KHDRBS2: variants seen among roughly 807,000 people sequenced by gnomAD.
The protein encoded by KHDRBS2 is KH RNA binding domain containing, signal transduction associated 2.
In KHDRBS2, 26 loss-of-function variants were observed where a neutral mutation model predicts 44.3. The ratio of observed to expected loss-of-function variants is 0.59; its 90% CI spans 0.43 to 0.81. The LOEUF (loss-of-function observed/expected upper bound fraction) is 0.81. Among genes scored for constraint, KHDRBS2 ranks in the 40% least tolerant of loss-of-function variants. The pLI is 0.00. For synonymous variants in KHDRBS2, 194 were observed against 151.1 expected (o/e 1.28, Z -2.08); for missense variants, 476 against 433.1 (o/e 1.10, Z -0.88).
At chr6:61,685,020 G>A (rs1319627240) in intron 8 of KHDRBS2, among the ~76,000 whole-genome samples, 1 of 151,666 alleles carries the variant, frequency 6.6e-6, no homozygotes, top group Non-Finnish European at 1.5e-5. Flanking sequence ...AGTTTAAGGG[G>A]CCCATAAAAG....
chr6:62,177,424 G>C (rs1454644119), intron 1 of KHDRBS2, 112 bp from the exon 2 acceptor site: 6 of 812,932 alleles, frequency 7.4e-6, no homozygotes, highest in African/African-American at 5.3e-5. Flanking sequence ...TCTCAAATAA[G>C]ATTTTGATGA....
the KHDRBS2 span, among the ~76,000 whole-genome samples, chr6:61,598,412 A>G: frequency 6.6e-6 from 1 of 152,190 alleles, no homozygotes; most frequent in Non-Finnish European, 1.5e-5. Flanking sequence ...TATTAGCCAA[A>G]TGAGGTACAT....
chr6:61,627,192 G>GCAGTGAGC, the KHDRBS2 span, among the ~76,000 whole-genome samples: 1 of 143,864 alleles, frequency 7.0e-6, no homozygotes, highest in Non-Finnish European at 1.5e-5. Context: ...GGCGGAGCTT[G>GCAGTGAGC]CAGTGAGCCG....
chr6:62,120,446 G>A (rs1011099097), intron 2 of KHDRBS2, among the ~76,000 whole-genome samples: 1 of 152,170 alleles, frequency 6.6e-6, no homozygotes, highest in Non-Finnish European at 1.5e-5. Context: ...TGGAACCACA[G>A]TCACTCAATT....
chr6:61,573,870 T>C, the KHDRBS2 span, among the ~76,000 whole-genome samples: 1 of 121,922 alleles, frequency 8.2e-6, no homozygotes, highest in Non-Finnish European at 1.7e-5. Flanking sequence ...CCTGGAAGTA[T>C]CACATTACTC....
chr6:61,833,967 G>T (rs1311362881), intron 6 of KHDRBS2, among the ~76,000 whole-genome samples: 2 of 152,006 alleles, frequency 1.3e-5, no homozygotes, highest in Non-Finnish European at 2.9e-5. Flanking sequence ...TTAGACTGAA[G>T]GCTACATATG....
intron 6 of KHDRBS2, among the ~76,000 whole-genome samples, chr6:61,757,647 T>A (rs1778686482): frequency 6.6e-6 from 1 of 152,176 alleles, no homozygotes; most frequent in Non-Finnish European, 1.5e-5. Flanking sequence ...TTGTTTGTTC[T>A]TCCGTTTTTC....
intron 6 of KHDRBS2, among the ~76,000 whole-genome samples, chr6:61,793,975 G>T (rs1368118921): frequency 1.3e-5 from 2 of 152,112 alleles, no homozygotes; most frequent in South Asian, 4.2e-4. Context: ...TGACAATTTC[G>T]GTACTGTGTT....
intron 2 of KHDRBS2, among the ~76,000 whole-genome samples, chr6:62,070,674 A>AT (rs1036503013): frequency 8.6e-5 from 13 of 152,020 alleles, no homozygotes; most frequent in African/African-American, 2.4e-5. Flanking sequence ...TGAACTCATC[A>AT]TTTTTTATGG....
chr6:61,599,536 A>T, the KHDRBS2 span, among the ~76,000 whole-genome samples: 1 of 152,176 alleles, frequency 6.6e-6, no homozygotes, highest in Non-Finnish European at 1.5e-5. Context: ...GTTGCCACAG[A>T]TGGTTAAGGA....
intron 6 of KHDRBS2, among the ~76,000 whole-genome samples, chr6:61,735,706 G>A (rs927022777): frequency 3.9e-5 from 6 of 151,970 alleles, no homozygotes; most frequent in Non-Finnish European, 8.8e-5. Context: ...TAATATTTTT[G>A]AAAGAATGTT....
intron 8 of KHDRBS2, among the ~76,000 whole-genome samples, chr6:61,682,498 C>A (rs1337694033): frequency 6.6e-6 from 1 of 151,768 alleles, no homozygotes; most frequent in Non-Finnish European, 1.5e-5. Context: ...GCCTGTGAAC[C>A]AAATTTGGCC....
intron 5 of KHDRBS2, among the ~76,000 whole-genome samples, chr6:61,898,012 T>C (rs1057482553): frequency 6.6e-6 from 1 of 152,136 alleles, no homozygotes; most frequent in African/African-American, 2.4e-5. Flanking sequence ...TGTAATGCTT[T>C]GTTCTCTGGT....
chr6:61,830,619 G>A (rs1791637264), intron 6 of KHDRBS2, among the ~76,000 whole-genome samples: 1 of 152,132 alleles, frequency 6.6e-6, no homozygotes, highest in Non-Finnish European at 1.5e-5. Flanking sequence ...AACGAGGCTG[G>A]CAGTCCAACC....
At chr6:61,859,028 A>G (rs1796542031) in intron 6 of KHDRBS2, among the ~76,000 whole-genome samples, 1 of 151,908 alleles carries the variant, frequency 6.6e-6, no homozygotes, top group African/African-American at 2.4e-5. Context: ...AATTCGGTGA[A>G]AGCTCTTTTA....
the KHDRBS2 span, among the ~76,000 whole-genome samples, chr6:61,653,324 AGG>A: frequency 6.6e-6 from 1 of 152,108 alleles, no homozygotes; most frequent in Non-Finnish European, 1.5e-5. Context: ...TTCTGTGGAC[AGG>A]GTATAAACAC....
rs766799975 is a variant in KHDRBS2 at position 62,177,324 on chromosome 6, T to A, written c.92-12A>T. 6.3e-6 allele frequency: 10 copies of A among 1,577,412 alleles called. No individual in the cohort carries two copies. The South Asian group carries it at 1.0e-4, about 16-fold the overall frequency. On this transcript the variant is annotated splice_polypyrimidine_tract_variant and intron_variant, in intron 1 of 8. Transcript: ENST00000281156. ...AAACTTTTCAATTTCTGGAAGAAAA[T>A]CACAAGAAGAAAACAAGTGAAATGA...
chr6:61,960,331 AT>A (rs2035480775), intron 4 of KHDRBS2, among the ~76,000 whole-genome samples: 1 of 152,136 alleles, frequency 6.6e-6, no homozygotes, highest in South Asian at 2.1e-4. Flanking sequence ...TTTTAAAAAA[AT>A]CATGAGCCCT....
the KHDRBS2 span, among the ~76,000 whole-genome samples, chr6:61,643,977 A>T: frequency 6.6e-6 from 1 of 152,206 alleles, no homozygotes; most frequent in African/African-American, 2.4e-5. Flanking sequence ...ATGGAACCAA[A>T]ATAGAGCCCA....
Sources: gnomAD v4.1 joint callset for allele counts (sites outside exome capture counted in the v4.1 genomes callset) on GRCh38, gnomAD v4.1.1 for gene constraint, MANE v1.5 for transcripts, NCBI Gene and HGNC (gene_info 2026-07-23, HGNC 2026-07-21) for gene names.